CLRN3: variants seen among roughly 807,000 people sequenced by gnomAD.
The protein encoded by CLRN3 is clarin-3.
Under a neutral mutation model 16.7 loss-of-function variants are expected in CLRN3, and 12 were observed. The observed-to-expected ratio is 0.72, with a 90% CI of 0.46 to 1.16. CLRN3 has a LOEUF of 1.16. Among genes scored for constraint, CLRN3 ranks in the 50% most tolerant of loss-of-function variants. The pLI, the probability that CLRN3 is intolerant of heterozygous loss-of-function variation, is 0.00. For synonymous variants in CLRN3, 118 were observed against 113.0 expected (o/e 1.04, Z -0.28); for missense variants, 296 against 274.2 (o/e 1.08, Z -0.56).
At position 127,892,872 on chromosome 10, in the gene CLRN3, A is replaced by G. The variant is rs1053054799; in HGVS notation, c.-88T>C. On this transcript the variant is annotated 5_prime_UTR_variant, in exon 1 of 3. Coordinates refer to ENST00000368671, the MANE Select transcript of CLRN3 (RefSeq NM_152311.5). ...CCTTATCTTTTGAAGTCTGGTATTT[A>G]GAAATGGAGTCTAACACTTTATTGT... is the stretch of plus-strand genomic sequence containing the variant. 5.3e-6 allele frequency: 4 copies of G among 756,564 alleles called. No homozygotes were observed. The African/African-American group carries it at 7.0e-5, about 13-fold the overall frequency. The allele number at this position is 756,564 out of a possible 1,614,324, so 46.9% of individuals were successfully genotyped here. A position where few individuals can be genotyped will look rare whatever the true frequency, so the allele number is the denominator to read the frequency against.
intron 2 of CLRN3, among the ~76,000 whole-genome samples, chr10:127,879,002 G>A (rs183530678): frequency 2.0e-5 from 3 of 152,330 alleles, no homozygotes; most frequent in African/African-American, 7.2e-5. Flanking sequence ...CCACTGGCAA[G>A]TGTCTAATCA....
chr10:127,892,033 A>G (rs1845263031), intron 1 of CLRN3, among the ~76,000 whole-genome samples: 2 of 152,348 alleles, frequency 1.3e-5, no homozygotes, highest in South Asian at 2.1e-4. Context: ...TATCAAATAT[A>G]CAATTAATAA....
Position 127,883,780 on chromosome 10 carries a change from C to T in CLRN3, c.325G>A (p.Gly109Arg). ...CTGATGCTGTTGTAGAAGGTAAACC[C>T]AGAGCTCAGCAGCGACGTGATCAAA... Reference protein sequence around the residue: ...LSLITSLLSSGFTFYNSISNP... With the variant: ...LSLITSLLSSRFTFYNSISNP... Residue 109 changes from glycine (G) to arginine (R), a missense_variant, in exon 2 of 3, where the codon GGG becomes AGG. Coordinates refer to ENST00000368671, the MANE Select transcript of CLRN3 (RefSeq NM_152311.5). The T allele has an allele frequency of 6.2e-7, 1 of 1,613,986 alleles. No homozygotes were observed. The highest frequency in any genetic ancestry group is 1.6e-4 in the Middle Eastern group (1 of 6,062).
At chr10:127,884,017 G>C in intron 1 of CLRN3, 142 bp from the exon 2 acceptor site, 1 of 741,932 alleles carries the variant, frequency 1.3e-6, no homozygotes, top group Middle Eastern at 2.3e-4. Context: ...TCCAACCCAT[G>C]CAAGAACAAG....
chr10:127,881,782 G>T (rs1269703240), intron 2 of CLRN3, among the ~76,000 whole-genome samples: 2 of 152,184 alleles, frequency 1.3e-5, no homozygotes, highest in African/African-American at 4.8e-5. Flanking sequence ...TCAGCAATGA[G>T]CCCAGAGTGG....
At chr10:127,885,273 C>A (rs1360958964) in intron 1 of CLRN3, among the ~76,000 whole-genome samples, 1 of 152,086 alleles carries the variant, frequency 6.6e-6, no homozygotes, top group African/African-American at 2.4e-5. Context: ...GAGGGGTCAC[C>A]AAGTCCCCTC....
chr10:127,880,178 CT>C (rs2135076929), intron 2 of CLRN3, among the ~76,000 whole-genome samples: 1 of 152,336 alleles, frequency 6.6e-6, no homozygotes, highest in East Asian at 1.9e-4. Context: ...CCTTAATTAT[CT>C]TTCATTTTCC....
chr10:127,880,796 G>A (rs1159243275), intron 2 of CLRN3, among the ~76,000 whole-genome samples: 4 of 152,138 alleles, frequency 2.6e-5, no homozygotes, highest in Non-Finnish European at 5.9e-5. Context: ...TGGCCAAGCA[G>A]AGGTAGTTCA....
At chr10:127,892,054 A>G (rs1845263170) in intron 1 of CLRN3, among the ~76,000 whole-genome samples, 1 of 152,238 alleles carries the variant, frequency 6.6e-6, no homozygotes, top group Non-Finnish European at 1.5e-5. Context: ...ATTAATGGAA[A>G]TTTAATATAA....
At chr10:127,880,968 G>C (rs1845121166) in intron 2 of CLRN3, among the ~76,000 whole-genome samples, 1 of 152,130 alleles carries the variant, frequency 6.6e-6, no homozygotes, top group Non-Finnish European at 1.5e-5. Flanking sequence ...GAGAGTTTCA[G>C]TAAGTTCTCC....
chr10:127,889,877 C>T (rs1017844723), intron 1 of CLRN3, among the ~76,000 whole-genome samples: 3 of 152,232 alleles, frequency 2.0e-5, no homozygotes, highest in African/African-American at 7.2e-5. Flanking sequence ...CTTCTTTTTA[C>T]ATGGCACCCA....
intron 1 of CLRN3, among the ~76,000 whole-genome samples, chr10:127,891,768 T>C (rs1463284254): frequency 6.6e-6 from 1 of 152,212 alleles, no homozygotes; most frequent in East Asian, 1.9e-4. Context: ...AGTCAAAAGG[T>C]AATGACTGTA....
intron 1 of CLRN3, among the ~76,000 whole-genome samples, chr10:127,892,278 T>G (rs1031476541): frequency 2.0e-5 from 3 of 152,216 alleles, no homozygotes; most frequent in African/African-American, 7.2e-5. Flanking sequence ...CTGCCACATA[T>G]TTTTACTTAT....
chr10:127,882,679 G>A (rs891445353), intron 2 of CLRN3, among the ~76,000 whole-genome samples: 27 of 152,306 alleles, frequency 1.8e-4, no homozygotes, highest in African/African-American at 6.0e-4. Flanking sequence ...GGATGATGCT[G>A]CCCTCAGCCC....
chr10:127,881,268 G>T (rs556388294), intron 2 of CLRN3, among the ~76,000 whole-genome samples: 130 of 152,330 alleles, frequency 8.5e-4, no homozygotes, highest in Non-Finnish European at 1.7e-3. Context: ...ACAATTCTTT[G>T]TGGATAGGAG....
intron 2 of CLRN3, among the ~76,000 whole-genome samples, chr10:127,880,008 C>T (rs1292075867): frequency 2.6e-5 from 4 of 152,142 alleles, no homozygotes; most frequent in Non-Finnish European, 4.4e-5. Flanking sequence ...ACTTTCCAAA[C>T]GGTCCATCAA....
intron 1 of CLRN3, among the ~76,000 whole-genome samples, chr10:127,890,863 A>ATT (rs1845249953): frequency 1.3e-5 from 2 of 152,212 alleles, no homozygotes; most frequent in African/African-American, 4.8e-5. Flanking sequence ...GTTCAAGCCC[A>ATT]GCGATTATTA....
rs975279750 is a variant in CLRN3, at chr10:127,892,889, C to T, written c.-105G>A. On this transcript the variant is annotated 5_prime_UTR_variant, in exon 1 of 3. The change creates a new upstream start codon in the 5' untranslated region. Transcript: ENST00000368671. ...TGGTATTTAGAAATGGAGTCTAACA[C>T]TTTATTGTCAAATATAAAATCTCAC... 4.4e-6 allele frequency: 3 copies of T among 675,956 alleles called. No individual in the cohort carries two copies. The highest frequency in any genetic ancestry group is 2.7e-5 in the East Asian group (1 of 37,674). 41.9% of individuals were successfully genotyped at this position (675,956 alleles called of 1,614,324 possible). A position where few individuals can be genotyped will look rare whatever the true frequency, so the allele number is the denominator to read the frequency against.
intron 1 of CLRN3, among the ~76,000 whole-genome samples, chr10:127,891,584 A>G (rs2135087789): frequency 6.6e-6 from 1 of 152,324 alleles, no homozygotes; most frequent in South Asian, 2.1e-4. Context: ...ACAAATGTAT[A>G]ACTTGGGAAC....
Sources: allele counts gnomAD v4.1 joint callset (sites outside exome capture counted in the v4.1 genomes callset), GRCh38; gene constraint gnomAD v4.1.1; transcripts MANE v1.5; gene names NCBI Gene and HGNC (gene_info 2026-07-23, HGNC 2026-07-21).